Variants in MEF2A observed in about 807,000 individuals in gnomAD.
The protein encoded by MEF2A is myocyte-specific enhancer factor 2A.
Under a neutral mutation model 55.8 loss-of-function variants are expected in MEF2A, and 28 were observed. The observed-to-expected ratio is 0.50, with a 90% CI of 0.37 to 0.69. MEF2A has a LOEUF of 0.69. Among genes scored for constraint, MEF2A ranks in the 30% least tolerant of loss-of-function variants. The probability of loss-of-function intolerance (pLI) is 0.00; values close to 1 mark genes in which losing one functional copy is unlikely to be tolerated. For missense variants in MEF2A, 528 were observed against 626.2 expected, an observed-to-expected ratio of 0.84 and a Z score of 1.67; for synonymous variants, 239 against 227.1, an observed-to-expected ratio of 1.05 and a Z score of -0.47.
At chr15:99,611,422 G>T (rs1977251560) in intron 2 of MEF2A, among the ~76,000 whole-genome samples, 1 of 152,164 alleles carries the variant, frequency 6.6e-6, no homozygotes, top group Non-Finnish European at 1.5e-5. Context: ...CACATGAAAA[G>T]ATGCTTAATG....
chr15:99,620,565 C>G lies in MEF2A; in HGVS notation c.-142-12413C>G, dbSNP rs181937599. On this transcript the variant is annotated intron_variant, in intron 2 of 11. Coordinates refer to ENST00000557942, the MANE Select transcript of MEF2A (RefSeq NM_001319206.4). ...AGTGTTCCATGGTGTATATGCATCA[C>G]GTTTTCTTTATCCATTCCACTGTTG... is the stretch of plus-strand genomic sequence containing the variant. Among the ~76,000 whole-genome samples, 359 of 152,276 alleles carry G rather than the reference C, an allele frequency of 2.4e-3. 2 individuals carry two copies. Among genetic ancestry groups the G allele is most frequent in the Non-Finnish European group, 2.6e-3 (180 of 68,022 alleles).
chr15:99,623,257 A>C (rs981885197), intron 2 of MEF2A, among the ~76,000 whole-genome samples: 5 of 152,168 alleles, frequency 3.3e-5, no homozygotes, highest in Non-Finnish European at 5.9e-5. Flanking sequence ...TTTAATGCTG[A>C]ATAATATTCT....
At chr15:99,566,757 G>A (rs1959769896) in intron 1 of MEF2A, among the ~76,000 whole-genome samples, 1 of 152,336 alleles carries the variant, frequency 6.6e-6, no homozygotes, top group Admixed American at 6.5e-5. Context: ...GGGGTGGAAC[G>A]CTTAGGTACG....
At chr15:99,574,790 A>G (rs1016726148) in intron 1 of MEF2A, among the ~76,000 whole-genome samples, 7 of 152,126 alleles carry the variant, frequency 4.6e-5, no homozygotes, top group African/African-American at 9.7e-5. Flanking sequence ...GTACTGATCT[A>G]TGGCCCCGGG....
At chr15:99,710,935 G>A (rs183683172) in intron 11 of MEF2A, among the ~76,000 whole-genome samples, 175 bp downstream of exon 11, 1 of 152,284 alleles carries the variant, frequency 6.6e-6, no homozygotes, top group East Asian at 1.9e-4. Context: ...CTAGACAGTA[G>A]CTTGGATACT....
chr15:99,613,666 T>C (rs577469275), intron 2 of MEF2A, among the ~76,000 whole-genome samples: 3 of 152,280 alleles, frequency 2.0e-5, no homozygotes, highest in African/African-American at 7.2e-5. Context: ...GTTATCAGCG[T>C]TGATAGCAGA....
At chr15:99,598,050 C>A (rs552298590) in intron 1 of MEF2A, among the ~76,000 whole-genome samples, 116 of 152,204 alleles carry the variant, frequency 7.6e-4, no homozygotes, top group African/African-American at 2.7e-3. Context: ...CTATTTAAAA[C>A]AAGTTTAGTT....
At chr15:99,649,281 A>G (rs1232918691) in intron 4 of MEF2A, among the ~76,000 whole-genome samples, 3 of 152,186 alleles carry the variant, frequency 2.0e-5, no homozygotes, top group Admixed American at 6.6e-5. Flanking sequence ...ACACATTAGT[A>G]AATTAAGAGA....
chr15:99,665,596 C>CT lies in MEF2A; in HGVS notation c.259-5726dup, dbSNP rs1237940309. On this transcript the variant is annotated intron_variant, in intron 4 of 11. Coordinates refer to ENST00000557942, the MANE Select transcript of MEF2A (RefSeq NM_001319206.4). ...AATAGATAAATAGGATCTGATTAAA[C>CT]TAAAGAGCTTCTGCACAGCAAAAGA... Among the ~76,000 whole-genome samples the CT allele has an allele frequency of 3.3e-5, 5 of 152,010 alleles. No homozygotes were observed. The East Asian group carries it at 9.7e-4, about 29-fold the overall frequency.
intron 10 of MEF2A, among the ~76,000 whole-genome samples, chr15:99,709,073 G>A (rs1416131811): frequency 6.6e-6 from 1 of 152,184 alleles, no homozygotes; most frequent in Non-Finnish European, 1.5e-5. Context: ...GCTGTATATA[G>A]GGTTAAAAGG....
chr15:99,634,945 TA>T (rs2043527736), intron 3 of MEF2A, among the ~76,000 whole-genome samples: 2 of 152,218 alleles, frequency 1.3e-5, no homozygotes, highest in South Asian at 4.1e-4. Flanking sequence ...TGTCACAAAC[TA>T]AAAGAGTATC....
chr15:99,570,090 C>A (rs996444994), intron 1 of MEF2A, among the ~76,000 whole-genome samples: 1 of 151,704 alleles, frequency 6.6e-6, no homozygotes, highest in Non-Finnish European at 1.5e-5. Context: ...TATTAATTAT[C>A]TTAGTCGAGA....
chr15:99,638,261 A>AT (rs140954713), intron 3 of MEF2A, among the ~76,000 whole-genome samples: 2,359 of 150,542 alleles, frequency 0.016, 56 homozygotes, highest in African/African-American at 0.053. Context: ...CTTAAAAAAA[A>AT]TTTTTTTTTT....
intron 7 of MEF2A, among the ~76,000 whole-genome samples, chr15:99,682,742 A>G (rs1406451175): frequency 6.6e-6 from 1 of 152,228 alleles, no homozygotes; most frequent in Non-Finnish European, 1.5e-5. Context: ...ATGAGTTACC[A>G]TCATGTCATA....
chr15:99,575,311 C>G (rs1265365252), intron 1 of MEF2A, among the ~76,000 whole-genome samples: 1 of 152,022 alleles, frequency 6.6e-6, no homozygotes, highest in East Asian at 1.9e-4. Flanking sequence ...TTAATTATAT[C>G]CCTTGTATTG....
chr15:99,674,436 C>G lies in MEF2A; in HGVS notation c.434C>G (p.Pro145Arg). The G allele has an allele frequency of 1.2e-6, 2 of 1,613,444 alleles. No homozygotes were observed. Among genetic ancestry groups the G allele is most frequent in the Non-Finnish European group, 1.7e-6 (2 of 1,179,570 alleles). ...PQNFSMSVTV[P>R]VTSPNALSYT... ...AACTTTTCAATGTCTGTCACAGTTCCAGTGACCAGCCCCAATGCTTTGTCC... is the reference window on the plus strand; with the variant it reads ...AACTTTTCAATGTCTGTCACAGTTCGAGTGACCAGCCCCAATGCTTTGTCC... Residue 145 changes from proline (P) to arginine (R), a missense_variant, in exon 6 of 12, where the codon CCA becomes CGA. By Grantham distance (103) the Pro-to-Arg change is moderately radical. Coordinates refer to ENST00000557942, the MANE Select transcript of MEF2A (RefSeq NM_001319206.4).
intron 1 of MEF2A, among the ~76,000 whole-genome samples, chr15:99,597,369 C>T (rs994272309): frequency 6.6e-6 from 1 of 152,064 alleles, no homozygotes; most frequent in Non-Finnish European, 1.5e-5. Flanking sequence ...CTCCCAGGCT[C>T]ATTAGGAAGA....
At chr15:99,674,741 T>C in intron 6 of MEF2A, 129 bp downstream of exon 6, 2 of 775,318 alleles carry the variant, frequency 2.6e-6, no homozygotes, top group East Asian at 5.2e-5. Flanking sequence ...GATACATAAT[T>C]GGCCTCATTT....
At chr15:99,666,443 G>C (rs149173870) in intron 4 of MEF2A, among the ~76,000 whole-genome samples, 25 of 151,918 alleles carry the variant, frequency 1.6e-4, no homozygotes, top group Admixed American at 2.6e-4. Context: ...GTCAGGGAGT[G>C]GGGGGCTAGT....
Sources: allele counts gnomAD v4.1 joint callset (sites outside exome capture counted in the v4.1 genomes callset), GRCh38; gene constraint gnomAD v4.1.1; transcripts MANE v1.5; gene names NCBI Gene and HGNC (gene_info 2026-07-23, HGNC 2026-07-21).